Variants in MFSD8 observed in about 807,000 individuals in gnomAD.
MFSD8 encodes the protein major facilitator superfamily domain containing 8.
A neutral mutation model predicts 66.4 loss-of-function variants in MFSD8; 55 were observed. The ratio of observed to expected loss-of-function variants is 0.83; its 90% CI spans 0.67 to 1.04. The LOEUF (loss-of-function observed/expected upper bound fraction) is 1.04, where lower values mean the gene tolerates loss of function less well. MFSD8 is among the 50% of genes least tolerant of loss of function. The pLI, the probability that MFSD8 is intolerant of heterozygous loss-of-function variation, is 0.00. For missense variants in MFSD8, 550 were observed against 627.6 expected (o/e 0.88, Z 1.32); for synonymous variants, 202 against 212.8 (o/e 0.95, Z 0.44).
At chr4:127,921,246 G>A in intron 11 of MFSD8, 1 of 605,384 alleles carries the variant, frequency 1.7e-6, no homozygotes. Flanking sequence ...TAAGTAACTT[G>A]TTCAAGAGGT....
At chr4:127,951,020 A>G (rs886816486) in intron 2 of MFSD8, among the ~76,000 whole-genome samples, 1 of 151,734 alleles carries the variant, frequency 6.6e-6, no homozygotes, top group African/African-American at 2.4e-5. Context: ...AGATTGCACC[A>G]CTGCACTCCA....
Position 127,921,498 on chromosome 4 carries a change from T to G in MFSD8, c.1350+26A>C, listed in dbSNP as rs368000958. On this transcript the variant is annotated intron_variant, in intron 11 of 11. Transcript: ENST00000641686. The stretch of plus-strand genomic sequence containing the variant: ...GTGCTTACAAGTATATTTTCTATAA[T>G]TGCAATGTCAGGGTACCTGGCTTAC... 3 of 1,613,948 alleles carry G rather than the reference T, an allele frequency of 1.9e-6. No homozygotes were observed. In the Admixed American group the frequency reaches 5.0e-5, roughly 27 times the overall value.
intron 7 of MFSD8, 40 bp from the exon 8 acceptor site, chr4:127,933,133 C>A: frequency 6.8e-7 from 1 of 1,470,652 alleles, no homozygotes; most frequent in South Asian, 1.1e-5. Flanking sequence ...ACCTATACAT[C>A]TAATTTTTCT....
upstream of MFSD8, chr4:127,965,715 G>A (rs1182290228): frequency 1.2e-5 from 2 of 169,584 alleles, no homozygotes; most frequent in Admixed American, 1.1e-4. Context: ...AGCTGGGCGG[G>A]AGACTCGCGG....
chr4:127,922,616 C>A (rs2148843851), intron 9 of MFSD8, among the ~76,000 whole-genome samples: 2 of 151,296 alleles, frequency 1.3e-5, no homozygotes, highest in East Asian at 1.9e-4. Context: ...CAGAGCAAGA[C>A]CCTGTCGCCA....
At chr4:127,924,568 C>A (rs1055001214) in intron 9 of MFSD8, among the ~76,000 whole-genome samples, 1 of 152,110 alleles carries the variant, frequency 6.6e-6, no homozygotes, top group Admixed American at 6.6e-5. Flanking sequence ...GAACTACAAA[C>A]CACTGCTAAA....
At chr4:127,964,252 G>C (rs1022023044) in intron 1 of MFSD8, among the ~76,000 whole-genome samples, 2 of 152,242 alleles carry the variant, frequency 1.3e-5, no homozygotes, top group African/African-American at 4.8e-5. Flanking sequence ...CTCAGCCCTT[G>C]GGTGGTCGAT....
At chr4:127,940,116 T>G in intron 5 of MFSD8, 119 bp from the exon 6 acceptor site, 2 of 996,098 alleles carry the variant, frequency 2.0e-6, no homozygotes, top group Non-Finnish European at 3.0e-6. Context: ...TTCTATATCA[T>G]GCATTCTCAA....
intron 9 of MFSD8, among the ~76,000 whole-genome samples, chr4:127,928,202 C>T (rs1286845168): frequency 2.0e-5 from 3 of 152,088 alleles, no homozygotes; most frequent in African/African-American, 2.4e-5. Flanking sequence ...CACGCACATG[C>T]CACCACACCC....
chr4:127,953,465 A>G (rs1400752405), intron 2 of MFSD8, among the ~76,000 whole-genome samples: 2 of 151,620 alleles, frequency 1.3e-5, no homozygotes, highest in African/African-American at 4.8e-5. Context: ...TCAGCTCAAA[A>G]AAAAAAAAAG....
At chr4:127,964,167 G>A (rs1271633101) in intron 1 of MFSD8, among the ~76,000 whole-genome samples, 1 of 152,258 alleles carries the variant, frequency 6.6e-6, no homozygotes, top group Non-Finnish European at 1.5e-5. Context: ...GAGCCCAGCT[G>A]GCTTCGCCCA....
At chr4:127,923,816 G>A (rs886645700) in intron 9 of MFSD8, among the ~76,000 whole-genome samples, 7 of 151,798 alleles carry the variant, frequency 4.6e-5, no homozygotes, top group Non-Finnish European at 8.8e-5. Flanking sequence ...CTCTGACCTC[G>A]TGATCCACCC....
At chr4:127,920,949 T>G (rs1300145913) in intron 11 of MFSD8, 113 bp from the exon 12 acceptor site, 2 of 980,594 alleles carry the variant, frequency 2.0e-6, no homozygotes, top group African/African-American at 3.3e-5. Context: ...TTTCTGCATC[T>G]TTTACTTTTA....
At position 127,929,322 on chromosome 4, in the gene MFSD8, C is replaced by CAAAAAAAAAAAAAAA. The variant is rs543453360; in HGVS notation, c.998+1346_998+1360dup. ...TGGGCAACAGAGCGAGACTCCGTCA[C>CAAAAAAAAAAAAAAA]AAAAAAAAAAAAAAAAAAAAAAAAA... is the stretch of plus-strand genomic sequence containing the variant. On this transcript the variant is annotated intron_variant, in intron 9 of 11. Transcript: ENST00000641686. Among the ~76,000 whole-genome samples, 18 of 30,362 alleles carry CAAAAAAAAAAAAAAA rather than the reference C, an allele frequency of 5.9e-4. 5 individuals carry two copies. Among genetic ancestry groups the CAAAAAAAAAAAAAAA allele is most frequent in the African/African-American group, 3.3e-3 (18 of 5,404 alleles). 19.9% of individuals were successfully genotyped at this position (30,362 alleles called of 152,430 possible).
rs368614789 is a variant in MFSD8, at chr4:127,939,899, C to T, written c.652G>A (p.Ala218Thr). 6.9e-5 allele frequency: 112 copies of T among 1,613,428 alleles called. 1 individual carries two copies. The highest frequency in any genetic ancestry group is 1.5e-4 in the South Asian group (14 of 91,044). ...ATAATATTTAAAATTCCCAGGAAGG[C>T]GCTAAGTAAAACTGGTGTTGTATAC... ...NMYTTPVLLSAFLGILNIILI... is the reference protein window; with the variant it reads ...NMYTTPVLLSTFLGILNIILI... The change falls in exon 6 of 12, where the codon GCC (alanine) becomes ACC (threonine). Residue 218 changes from alanine to threonine, a missense_variant. Coordinates refer to ENST00000641686, the MANE Select transcript of MFSD8 (RefSeq NM_001371596.2).
intron 7 of MFSD8, among the ~76,000 whole-genome samples, chr4:127,935,052 A>G (rs1191724466): frequency 6.6e-6 from 1 of 152,120 alleles, no homozygotes; most frequent in African/African-American, 2.4e-5. Context: ...TCCTCCAACA[A>G]TAAGTAGATT....
rs1736203424 is a variant in MFSD8, at chr4:127,920,614, C to T, written c.*16G>A. The T allele has an allele frequency of 4.3e-6, 7 of 1,613,352 alleles. No homozygotes were observed. Among genetic ancestry groups the T allele is most frequent in the Middle Eastern group, 1.6e-4 (1 of 6,084 alleles). ...GTGCCACACAGCAAGTAGTTTCCAT[C>T]ACAGTCTTAGCTAGTTTATTCCTGA... On this transcript the variant is annotated 3_prime_UTR_variant, in exon 12 of 12. Transcript: ENST00000641686.
chr4:127,930,643 T>G lies in MFSD8; in HGVS notation c.998+40A>C, dbSNP rs779469099. 8 of 1,609,010 alleles carry G rather than the reference T, an allele frequency of 5.0e-6. No homozygotes were observed. In the Admixed American group the frequency reaches 1.3e-4, roughly 27 times the overall value. ...TTGTTAGCTCTGTTTTTTGTTTTATTTTTTAAAAACAGACATAAAACCAAA... is the reference window on the plus strand; with the variant it reads ...TTGTTAGCTCTGTTTTTTGTTTTATGTTTTAAAAACAGACATAAAACCAAA... On this transcript the variant is annotated intron_variant, in intron 9 of 11. Coordinates refer to ENST00000641686, the MANE Select transcript of MFSD8 (RefSeq NM_001371596.2).
intron 4 of MFSD8, 200 bp downstream of exon 4, chr4:127,943,552 G>A: frequency 1.7e-6 from 1 of 584,330 alleles, no homozygotes; most frequent in Non-Finnish European, 2.9e-6. Context: ...AGAATGATGA[G>A]AACAGAAGAG....
Sources: gnomAD v4.1 joint callset for allele counts (sites outside exome capture counted in the v4.1 genomes callset) on GRCh38, gnomAD v4.1.1 for gene constraint, MANE v1.5 for transcripts, NCBI Gene and HGNC (gene_info 2026-07-23, HGNC 2026-07-21) for gene names.